The following UBE4B variants were observed in gnomAD, a reference collection of about 807,000 sequenced individuals.
The protein encoded by UBE4B is ubiquitin conjugation factor E4 B.
In UBE4B, 27 loss-of-function variants were observed where a neutral mutation model predicts 148.1. The observed-to-expected ratio is 0.18, with a 90% confidence interval of 0.13 to 0.25. The LOEUF is 0.25. Ranked by LOEUF, UBE4B falls within the 10% of genes least tolerant of loss-of-function variation. The pLI, the probability that UBE4B is intolerant of heterozygous loss-of-function variation, is 1.00. For synonymous variants in UBE4B, 596 were observed against 619.3 expected, an observed-to-expected ratio of 0.96 and a Z score of 0.56; for missense variants, 1,170 against 1,662.4, an observed-to-expected ratio of 0.70 and a Z score of 5.15.
chr1:10,062,487 A>AT (rs1278172391), intron 1 of UBE4B, among the ~76,000 whole-genome samples: 2 of 151,822 alleles, frequency 1.3e-5, no homozygotes, highest in African/African-American at 4.8e-5. Context: ...TAATTTTTGT[A>AT]TTTTTAGTAG....
At chr1:10,179,670 A>G in intron 27 of UBE4B, 108 bp downstream of exon 27, 1 of 1,539,786 alleles carries the variant, frequency 6.5e-7, no homozygotes, top group Admixed American at 1.8e-5. Context: ...AAATGCAGAA[A>G]CTACCTACTT....
intron 6 of UBE4B, 145 bp downstream of exon 6, chr1:10,105,889 G>A: frequency 1.0e-6 from 1 of 965,458 alleles, no homozygotes; most frequent in Admixed American, 2.8e-5. Flanking sequence ...TTAGTCATTG[G>A]AAGTGGAATT....
intron 1 of UBE4B, among the ~76,000 whole-genome samples, chr1:10,050,189 A>G (rs1006048717): frequency 2.0e-5 from 3 of 152,244 alleles, no homozygotes; most frequent in African/African-American, 4.8e-5. Flanking sequence ...CTCCTGCCTC[A>G]GCCTCCCGAG....
intron 20 of UBE4B, among the ~76,000 whole-genome samples, chr1:10,151,018 C>T (rs1300963102): frequency 6.6e-6 from 1 of 151,232 alleles, no homozygotes; most frequent in African/African-American, 2.4e-5. Context: ...AAAAAATTAG[C>T]CGGGCATGGT....
At chr1:10,178,965 A>G (rs1037846740) in intron 26 of UBE4B, 147 bp downstream of exon 26, 4 of 832,070 alleles carry the variant, frequency 4.8e-6, no homozygotes, top group East Asian at 6.1e-5. Flanking sequence ...ACATTTGCCT[A>G]TTTTTAGCTC....
At chr1:10,056,861 C>T (rs902682631) in intron 1 of UBE4B, among the ~76,000 whole-genome samples, 1 of 152,318 alleles carries the variant, frequency 6.6e-6, no homozygotes, top group Admixed American at 6.5e-5. Context: ...AGGCCTCACT[C>T]TGCCACCCAG....
chr1:10,067,853 G>C (rs1156745361), intron 1 of UBE4B, among the ~76,000 whole-genome samples: 2 of 146,526 alleles, frequency 1.4e-5, no homozygotes, highest in Non-Finnish European at 3.0e-5. Context: ...TCAGCTTCCC[G>C]AGTAGCTTGG....
intron 9 of UBE4B, among the ~76,000 whole-genome samples, chr1:10,121,618 T>C (rs1239494292): frequency 6.6e-6 from 1 of 152,010 alleles, no homozygotes; most frequent in Non-Finnish European, 1.5e-5. Context: ...GGTCTTCAAC[T>C]CTGGGCCTCA....
At chr1:10,082,300 A>ACTAGTTTAAGT (rs1557537378) in intron 2 of UBE4B, among the ~76,000 whole-genome samples, 1 of 151,976 alleles carries the variant, frequency 6.6e-6, no homozygotes, top group Non-Finnish European at 1.5e-5. Flanking sequence ...GGGGTTTAAG[A>ACTAGTTTAAGT]CTAGCCTGGA....
intron 1 of UBE4B, among the ~76,000 whole-genome samples, chr1:10,070,340 T>G (rs565252077): frequency 4.6e-4 from 68 of 148,848 alleles, no homozygotes; most frequent in African/African-American, 1.7e-3. Context: ...TGAAGAAGAA[T>G]AAGATGAATA....
intron 9 of UBE4B, among the ~76,000 whole-genome samples, chr1:10,119,907 G>A (rs1253283635): frequency 6.6e-6 from 1 of 152,218 alleles, no homozygotes; most frequent in Non-Finnish European, 1.5e-5. Context: ...CAGAAAATTA[G>A]TAACTGACTA....
rs981064616 is a variant in UBE4B at position 10,103,033 on chromosome 1, A to T, written c.521A>T (p.Asp174Val). ...TTCCGTGTCTCTTGGAAGGACCGGG[A>T]CAGAGATGTCATCTTTCTTTCTTCT... is the stretch of plus-strand genomic sequence containing the variant. ...KIFRVSWKDR[D>V]RDVIFLSSLS... Residue 174 changes from aspartate to valine, a missense_variant, in exon 5 of 28, where the codon GAC becomes GTC. Asp to Val is a radical substitution (Grantham distance 152). Coordinates refer to ENST00000343090, the MANE Select transcript of UBE4B (RefSeq NM_001105562.3). 3.3e-5 allele frequency: 53 copies of T among 1,613,338 alleles called. No homozygotes were observed. The highest frequency in any genetic ancestry group is 4.2e-5 in the Non-Finnish European group (49 of 1,179,830).
At chr1:10,038,673 T>C (rs1643639153) in intron 1 of UBE4B, among the ~76,000 whole-genome samples, 1 of 152,196 alleles carries the variant, frequency 6.6e-6, no homozygotes, top group Non-Finnish European at 1.5e-5. Context: ...ACTGACCCAC[T>C]CTGTTTTGAT....
At chr1:10,098,796 C>A (rs779420344) in intron 3 of UBE4B, among the ~76,000 whole-genome samples, 1 of 152,146 alleles carries the variant, frequency 6.6e-6, no homozygotes, top group Non-Finnish European at 1.5e-5. Context: ...CAGCAACTCT[C>A]CTATTCAGTG....
At chr1:10,154,600 G>T (rs1377298428) in intron 21 of UBE4B, among the ~76,000 whole-genome samples, 1 of 152,088 alleles carries the variant, frequency 6.6e-6, no homozygotes, top group Non-Finnish European at 1.5e-5. Context: ...CACTTTGGGA[G>T]GCTGAGGCAG....
At position 10,095,579 on chromosome 1, in the gene UBE4B, T is replaced by C; in HGVS notation, c.330T>C (p.Gly110=). ...GTTCCCAGAGCATGGATATCGATGG[T>C]GTCTCATGTGAGAAAAGGTAAAATG... ...LSRSQSMDID[G]VSCEKSMSQV... The change falls in exon 3 of 28, where the codon GGT becomes GGC. Residue 110 remains glycine, a synonymous_variant. Coordinates refer to ENST00000343090, the MANE Select transcript of UBE4B (RefSeq NM_001105562.3). The C allele has an allele frequency of 6.2e-7, 1 of 1,614,084 alleles. No homozygotes were observed. Among genetic ancestry groups the C allele is most frequent in the African/African-American group, 1.3e-5 (1 of 75,032 alleles).
At chr1:10,108,652 T>C (rs144964673) in intron 7 of UBE4B, among the ~76,000 whole-genome samples, 9 of 152,276 alleles carry the variant, frequency 5.9e-5, no homozygotes, top group South Asian at 2.1e-4. Flanking sequence ...TTCAATTCGA[T>C]GGTGTTCAGA....
intron 14 of UBE4B, 85 bp from the exon 15 acceptor site, chr1:10,132,284 A>G: frequency 1.1e-6 from 1 of 949,486 alleles, no homozygotes; most frequent in Non-Finnish European, 1.6e-6. Flanking sequence ...GAACGTGGGA[A>G]GTAGGCTAGC....
At chr1:10,092,474 C>T (rs1367718015) in intron 2 of UBE4B, among the ~76,000 whole-genome samples, 1 of 151,886 alleles carries the variant, frequency 6.6e-6, no homozygotes. Flanking sequence ...CCGCCCGCCT[C>T]AGCTCCCAAA....
Sources: allele counts gnomAD v4.1 joint callset (sites outside exome capture counted in the v4.1 genomes callset), GRCh38; gene constraint gnomAD v4.1.1; transcripts MANE v1.5; gene names NCBI Gene and HGNC (gene_info 2026-07-23, HGNC 2026-07-21).